CADPS: variants seen among roughly 807,000 people sequenced by gnomAD.
CADPS encodes calcium-dependent secretion activator 1.
Under a neutral mutation model 167.3 loss-of-function variants are expected in CADPS, and 57 were observed. That is an observed-to-expected ratio of 0.34 (90% CI 0.28 to 0.42). CADPS has a LOEUF of 0.42. Among genes scored for constraint, CADPS ranks in the 20% least tolerant of loss-of-function variants. The probability of loss-of-function intolerance (pLI) is 1.00; values close to 1 mark genes in which losing one functional copy is unlikely to be tolerated. For synonymous variants in CADPS, 676 were observed against 635.3 expected (o/e 1.06, Z -0.96); for missense variants, 1,414 against 1,738.1 (o/e 0.81, Z 3.32).
chr3:62,691,396 G>T (rs1254530985), intron 3 of CADPS, among the ~76,000 whole-genome samples: 1 of 151,906 alleles, frequency 6.6e-6, no homozygotes, highest in Non-Finnish European at 1.5e-5. Flanking sequence ...GGGGGATGTT[G>T]GTAGTAGGGG....
intron 6 of CADPS, among the ~76,000 whole-genome samples, chr3:62,619,111 T>A (rs780688924): frequency 6.6e-6 from 1 of 152,206 alleles, no homozygotes; most frequent in South Asian, 2.1e-4. Context: ...CATACTACAC[T>A]GGTAGAGTTC....
chr3:62,498,861 T>C (rs1053619662), intron 18 of CADPS, among the ~76,000 whole-genome samples: 3 of 125,324 alleles, frequency 2.4e-5, no homozygotes, highest in Non-Finnish European at 5.8e-5. Context: ...ATATTTTGTG[T>C]TCTGGACAAT....
At chr3:62,770,748 T>TTTTCCAGATAAC (rs2088442962) in intron 1 of CADPS, among the ~76,000 whole-genome samples, 5 of 152,172 alleles carry the variant, frequency 3.3e-5, no homozygotes, top group Non-Finnish European at 5.9e-5. Context: ...TCTCACAAAC[T>TTTTCCAGATAAC]AAACTTTTCC....
intron 28 of CADPS, among the ~76,000 whole-genome samples, chr3:62,431,394 C>G (rs150661554): frequency 1.3e-5 from 2 of 151,992 alleles, no homozygotes; most frequent in East Asian, 3.9e-4. Flanking sequence ...CAGTTTAGCC[C>G]CCCCTCAATC....
At chr3:62,615,674 A>G (rs780333818) in intron 6 of CADPS, among the ~76,000 whole-genome samples, 6 of 152,150 alleles carry the variant, frequency 3.9e-5, no homozygotes, top group Non-Finnish European at 8.8e-5. Flanking sequence ...TTGTGGGAAT[A>G]TCAAGTACCC....
chr3:62,704,068 C>T (rs983404767), intron 3 of CADPS, among the ~76,000 whole-genome samples: 19 of 152,182 alleles, frequency 1.2e-4, no homozygotes, highest in Admixed American at 4.6e-4. Flanking sequence ...ATTTTAGGTA[C>T]TGGGGACATA....
At chr3:62,605,902 A>G (rs938103) in intron 6 of CADPS, among the ~76,000 whole-genome samples, 142,077 of 152,276 alleles carry the variant, frequency 0.93, 67,051 homozygotes, top group South Asian at 1. Flanking sequence ...CCATCTGAGC[A>G]ATGGCTTTTG....
intron 3 of CADPS, among the ~76,000 whole-genome samples, chr3:62,707,840 A>G (rs1223608587): frequency 6.6e-6 from 1 of 152,152 alleles, no homozygotes; most frequent in African/African-American, 2.4e-5. Flanking sequence ...TAGGAAATTT[A>G]AAATGACATG....
intron 3 of CADPS, among the ~76,000 whole-genome samples, chr3:62,717,710 A>G (rs2084953780): frequency 6.6e-6 from 1 of 152,162 alleles, no homozygotes; most frequent in African/African-American, 2.4e-5. Flanking sequence ...TCCACATTTC[A>G]GACCAGTTTC....
rs188881200 is a variant in CADPS at position 62,440,457 on chromosome 3, A to C, written c.3670-2246T>G. 269 of 151,798 alleles carry C rather than the reference A, an allele frequency of 1.8e-3. 2 individuals are homozygous for C. The highest frequency in any genetic ancestry group is 6.2e-3 in the African/African-American group (255 of 41,356). 9.4% of individuals were successfully genotyped at this position (151,798 alleles called of 1,614,324 possible). A position where few individuals can be genotyped will look rare whatever the true frequency, so the allele number is the denominator to read the frequency against. ...AATAATGTATGTAAAAATGTTTTGA[A>C]AGCCATATATTGTAATACAAACATG... On this transcript the variant is annotated intron_variant, in intron 27 of 29. Transcript: ENST00000383710.
At chr3:62,716,035 G>A (rs1055436767) in intron 3 of CADPS, among the ~76,000 whole-genome samples, 4 of 151,132 alleles carry the variant, frequency 2.6e-5, no homozygotes, top group South Asian at 2.1e-4. Flanking sequence ...GTGAGCCACT[G>A]CATCCGACCA....
chr3:62,624,576 TA>T (rs1375059988), intron 6 of CADPS, among the ~76,000 whole-genome samples: 2 of 152,120 alleles, frequency 1.3e-5, no homozygotes, highest in African/African-American at 4.8e-5. Context: ...GTTAAGAGAT[TA>T]AGTTGCCCAT....
intron 1 of CADPS, among the ~76,000 whole-genome samples, chr3:62,854,548 G>A (rs1238214565): frequency 6.6e-6 from 1 of 152,214 alleles, no homozygotes; most frequent in African/African-American, 2.4e-5. Context: ...AAGTACTAAT[G>A]CCTATCTTAA....
chr3:62,429,367 A>T (rs575797728), intron 28 of CADPS, among the ~76,000 whole-genome samples: 1 of 152,300 alleles, frequency 6.6e-6, no homozygotes, highest in Admixed American at 6.5e-5. Context: ...GGGCCTGTGG[A>T]TCACATTTTG....
chr3:62,804,249 A>C (rs558110146), intron 1 of CADPS, among the ~76,000 whole-genome samples: 12 of 152,312 alleles, frequency 7.9e-5, no homozygotes, highest in African/African-American at 2.9e-4. Flanking sequence ...AGATAAATGA[A>C]GAAACTGGGG....
At chr3:62,839,310 T>G (rs1194134168) in intron 1 of CADPS, among the ~76,000 whole-genome samples, 4 of 152,092 alleles carry the variant, frequency 2.6e-5, no homozygotes, top group African/African-American at 7.2e-5. Context: ...TTATCCTGCC[T>G]CAGGAGAGTA....
intron 2 of CADPS, among the ~76,000 whole-genome samples, chr3:62,756,304 T>G (rs2152437145): frequency 6.6e-6 from 1 of 152,306 alleles, no homozygotes. Context: ...TGACCTCAAG[T>G]GATACACCCG....
intron 28 of CADPS, among the ~76,000 whole-genome samples, chr3:62,429,476 A>G (rs1007464365): frequency 6.6e-6 from 1 of 152,222 alleles, no homozygotes; most frequent in Non-Finnish European, 1.5e-5. Flanking sequence ...TTGATAGCCT[A>G]TCTGGAGCCC....
chr3:62,559,539 G>C (rs1433445416), intron 9 of CADPS, among the ~76,000 whole-genome samples: 1 of 151,784 alleles, frequency 6.6e-6, no homozygotes, highest in Admixed American at 6.6e-5. Flanking sequence ...TTGTTGCCCA[G>C]ACTGGGGTGC....
Sources: gnomAD v4.1 joint callset for allele counts (sites outside exome capture counted in the v4.1 genomes callset) on GRCh38, gnomAD v4.1.1 for gene constraint, MANE v1.5 for transcripts, NCBI Gene and HGNC (gene_info 2026-07-23, HGNC 2026-07-21) for gene names.